Variants in SQSTM1 observed in about 807,000 individuals in gnomAD.
The protein encoded by SQSTM1 is sequestosome 1.
SQSTM1 carries 36 observed loss-of-function variants against 45.1 expected under a neutral mutation model. The ratio of observed to expected loss-of-function variants is 0.80; its 90% CI spans 0.61 to 1.05. The LOEUF (loss-of-function observed/expected upper bound fraction) is 1.05, where lower values mean the gene tolerates loss of function less well. Ranked by LOEUF, SQSTM1 falls within the 50% of genes least tolerant of loss-of-function variation. The pLI is 0.00. For synonymous variants in SQSTM1, 290 were observed against 244.3 expected (o/e 1.19, Z -1.74); for missense variants, 617 against 607.1 (o/e 1.02, Z -0.17).
chr5:179,836,228 C>T (rs565528245), intron 7 of SQSTM1: 58 of 644,286 alleles, frequency 9.0e-5, no homozygotes, highest in Admixed American at 2.4e-4. Context: ...TGCCTGGTGT[C>T]GCAGTGGCAG....
chr5:179,820,260 TA>T (rs1270854115), upstream of SQSTM1: 1 of 152,458 alleles, frequency 6.6e-6, no homozygotes, highest in Admixed American at 6.5e-5. Flanking sequence ...CAGGAGACCT[TA>T]GCTGGTCCTC....
At position 179,837,475 on chromosome 5, in the gene SQSTM1, G is replaced by A. The variant is rs781637325; in HGVS notation, c.*882G>A. 1.6e-5 allele frequency: 26 copies of A among 1,613,564 alleles called. 1 individual carries two copies. In the Middle Eastern group the frequency reaches 8.2e-4, roughly 51 times the overall value. ...GAGGATTCTGTGCCTCCAGGACCAGGGGCCCACCCTCTGCCCAGGGAGTCC... is the reference window on the plus strand; with the variant it reads ...GAGGATTCTGTGCCTCCAGGACCAGAGGCCCACCCTCTGCCCAGGGAGTCC... On this transcript the variant is annotated 3_prime_UTR_variant, in exon 8 of 8. Coordinates refer to ENST00000389805, the MANE Select transcript of SQSTM1 (RefSeq NM_003900.5).
In SQSTM1 at chr5:179,823,979, G is replaced by C. The variant is rs1278946346; in HGVS notation, c.423G>C (p.Lys141Asn). 1 of 1,614,054 alleles carries C rather than the reference G, an allele frequency of 6.2e-7. No homozygotes were observed. The highest frequency in any genetic ancestry group is 2.2e-5 in the East Asian group (1 of 44,890). The stretch of plus-strand genomic sequence containing the variant: ...GGCCTGTGGTAGGAACCCGCTACAA[G>C]TGCAGCGTCTGCCCAGACTACGACT... ...CNGPVVGTRY[K>N]CSVCPDYDLC... Residue 141 changes from lysine to asparagine, a missense_variant, in exon 3 of 8, where the codon AAG becomes AAC. Coordinates refer to ENST00000389805, the MANE Select transcript of SQSTM1 (RefSeq NM_003900.5).
chr5:179,837,172 C>A lies in SQSTM1; in HGVS notation c.*579C>A, dbSNP rs1378591438. ...AGTTCTCTCATTTCCAAACCATCAG[C>A]TGCTTTTAAAATAAGATCTCTTTGT... On this transcript the variant is annotated 3_prime_UTR_variant, in exon 8 of 8. Transcript: ENST00000389805. 1.3e-6 allele frequency: 2 copies of A among 1,495,742 alleles called. No individual in the cohort carries two copies. Among genetic ancestry groups the A allele is most frequent in the Non-Finnish European group, 1.8e-6 (2 of 1,108,312 alleles). The allele number at this position is 1,495,742 out of a possible 1,614,324, so 92.7% of individuals were successfully genotyped here. A position where few individuals can be genotyped will look rare whatever the true frequency, so the allele number is the denominator to read the frequency against.
chr5:179,830,801 C>G (rs1024306431), intron 5 of SQSTM1, among the ~76,000 whole-genome samples: 1 of 152,248 alleles, frequency 6.6e-6, no homozygotes, highest in Admixed American at 6.5e-5. Context: ...CATGATCTAC[C>G]TGCCTTCGTC....
chr5:179,812,348 C>T (rs1321458119), intron 2 of SQSTM1: 1 of 152,172 alleles, frequency 6.6e-6, no homozygotes, highest in Non-Finnish European at 1.5e-5. Flanking sequence ...CTCTCCTTTT[C>T]GGGTTCCTTC....
chr5:179,829,657 G>A (rs971253885), intron 5 of SQSTM1, among the ~76,000 whole-genome samples: 4 of 152,162 alleles, frequency 2.6e-5, no homozygotes, highest in Admixed American at 1.3e-4. Context: ...GTCTCAAGGA[G>A]ATATTCCAAA....
chr5:179,822,679 T>A, intron 1 of SQSTM1: 1 of 451,158 alleles, frequency 2.2e-6, no homozygotes, highest in Non-Finnish European at 4.1e-6. Flanking sequence ...GGCCCAAGGC[T>A]AAATAAGTGC....
rs561946559 is a variant in SQSTM1, at chr5:179,828,525, C to T, written c.754+3299C>T. 3.3e-5 allele frequency among the ~76,000 whole-genome samples: 5 copies of T among 152,148 alleles called. No homozygotes were observed. The South Asian group carries it at 1.0e-3, about 32-fold the overall frequency. ...CAGTAGCTGGGATTACAGGCATGCA[C>T]CATCACGCCTGGCTAATTTTGTATT... On this transcript the variant is annotated intron_variant, in intron 5 of 7. Transcript: ENST00000389805.
upstream of SQSTM1, among the ~76,000 whole-genome samples, chr5:179,814,264 A>G (rs192197279): frequency 2.0e-5 from 3 of 152,336 alleles, no homozygotes; most frequent in East Asian, 5.8e-4. Flanking sequence ...TCCAGGAGAA[A>G]GTCTGGAATG....
chr5:179,836,527 C>T lies in SQSTM1; in HGVS notation c.1257C>T (p.Thr419=), dbSNP rs371720013. The T allele has an allele frequency of 1.9e-6, 3 of 1,614,090 alleles. No individual in the cohort carries two copies. The highest frequency in any genetic ancestry group is 1.3e-5 in the African/African-American group (1 of 74,920). ...GCTGGCTCACCAGGCTCCTGCAGAC[C>T]AAGAACTATGACATCGGAGCGGCTC... The part of the protein sequence containing the change: ...EGGWLTRLLQ[T]KNYDIGAALD... The change falls in exon 8 of 8, where the codon ACC becomes ACT. Residue 419 remains threonine (T), a synonymous_variant. Coordinates refer to ENST00000389805, the MANE Select transcript of SQSTM1 (RefSeq NM_003900.5).
chr5:179,837,912 C>T lies in SQSTM1; in HGVS notation c.*1319C>T. The T allele has an allele frequency of 6.3e-7, 1 of 1,591,094 alleles. No individual in the cohort carries two copies. The highest frequency in any genetic ancestry group is 8.5e-7 in the Non-Finnish European group (1 of 1,173,564). ...TGAAAGAGAAGATGGCCATGCCCTCCATGTGTAAGAACAATGCCAGGGCCC... is the reference window on the plus strand; with the variant it reads ...TGAAAGAGAAGATGGCCATGCCCTCTATGTGTAAGAACAATGCCAGGGCCC... On this transcript the variant is annotated 3_prime_UTR_variant, in exon 8 of 8. Coordinates refer to ENST00000389805, the MANE Select transcript of SQSTM1 (RefSeq NM_003900.5).
rs1191836915 is a variant in SQSTM1 at position 179,836,993 on chromosome 5, ACT to A, written c.*403_*404del. 4.9e-6 allele frequency: 3 copies of A among 611,970 alleles called. No homozygotes were observed. Among genetic ancestry groups the A allele is most frequent in the Non-Finnish European group, 8.7e-6 (3 of 346,204 alleles). 37.9% of individuals were successfully genotyped at this position (611,970 alleles called of 1,614,324 possible). A position where few individuals can be genotyped will look rare whatever the true frequency, so the allele number is the denominator to read the frequency against. On this transcript the variant is annotated 3_prime_UTR_variant, in exon 8 of 8. Coordinates refer to ENST00000389805, the MANE Select transcript of SQSTM1 (RefSeq NM_003900.5). Reference sequence around the variant, plus strand: ...TTATTTTCTGCTACAGACCTGGTACACTCTGATTTTAGATAAAGTAAGCCTAG... The same window carrying A: ...TTATTTTCTGCTACAGACCTGGTACACTGATTTTAGATAAAGTAAGCCTAG...
chr5:179,812,509 C>T (rs1176332599), intron 2 of SQSTM1: 1 of 152,408 alleles, frequency 6.6e-6, no homozygotes, highest in Admixed American at 6.5e-5. Context: ...CTTCAGGCCG[C>T]TTTGGACCTC....
intron 1 of SQSTM1, among the ~76,000 whole-genome samples, chr5:179,808,948 C>G (rs1053590858): frequency 2.7e-5 from 4 of 150,822 alleles, no homozygotes; most frequent in African/African-American, 9.7e-5. Flanking sequence ...AGCTCCGCCT[C>G]CCACCTTCAC....
intron 5 of SQSTM1, 91 bp from the exon 6 acceptor site, chr5:179,832,941 G>A (rs559298575): frequency 6.9e-6 from 9 of 1,300,464 alleles, no homozygotes; most frequent in Admixed American, 3.4e-5. Context: ...TGAGATCTTC[G>A]TGAGTCTGTA....
rs577802143 is a variant in SQSTM1 at position 179,837,195 on chromosome 5, T to C, written c.*602T>C. 1.2e-5 allele frequency: 19 copies of C among 1,550,130 alleles called. No homozygotes were observed. In the African/African-American group the frequency reaches 2.0e-4, roughly 17 times the overall value. ...AGCTGCTTTTAAAATAAGATCTCTT[T>C]GTAGCCATCCTGTTAAATTTGTAAA... On this transcript the variant is annotated 3_prime_UTR_variant, in exon 8 of 8. Coordinates refer to ENST00000389805, the MANE Select transcript of SQSTM1 (RefSeq NM_003900.5).
At chr5:179,824,159 C>G in intron 3 of SQSTM1, 23 bp from the exon 4 acceptor site, 1 of 1,613,624 alleles carries the variant, frequency 6.2e-7, no homozygotes. Flanking sequence ...CACTGCCTGC[C>G]GCTCTGCTAA....
chr5:179,837,554 T>G lies in SQSTM1; in HGVS notation c.*961T>G, dbSNP rs1758649926. 1 of 1,614,066 alleles carries G rather than the reference T, an allele frequency of 6.2e-7. No individual in the cohort carries two copies. Among genetic ancestry groups the G allele is most frequent in the African/African-American group, 1.3e-5 (1 of 75,034 alleles). On this transcript the variant is annotated 3_prime_UTR_variant, in exon 8 of 8. Transcript: ENST00000389805. ...CCTCTCAGACCCAGATGTGACGGGGTGTGTGGCCCGAGGAAGCTGGACAGC... is the reference window on the plus strand; with the variant it reads ...CCTCTCAGACCCAGATGTGACGGGGGGTGTGGCCCGAGGAAGCTGGACAGC...
Sources: gnomAD v4.1 joint callset for allele counts (sites outside exome capture counted in the v4.1 genomes callset) on GRCh38, gnomAD v4.1.1 for gene constraint, MANE v1.5 for transcripts, NCBI Gene and HGNC (gene_info 2026-07-23, HGNC 2026-07-21) for gene names.